The following ZFHX3 variants were observed in gnomAD, a reference collection of about 807,000 sequenced individuals.
The protein encoded by ZFHX3 is zinc finger homeobox 3, also known as zinc finger homeobox protein 3.
Under a neutral mutation model 279.1 loss-of-function variants are expected in ZFHX3, and 42 were observed. The observed-to-expected ratio is 0.15, with a 90% confidence interval of 0.12 to 0.19. ZFHX3 has a LOEUF of 0.19. Ranked by LOEUF, ZFHX3 falls within the 10% of genes least tolerant of loss-of-function variation. The pLI is 1.00. For missense variants in ZFHX3, 4,981 were observed against 4,754.0 expected, an observed-to-expected ratio of 1.05 and a Z score of -1.40; for synonymous variants, 2,293 against 1,957.8, an observed-to-expected ratio of 1.17 and a Z score of -4.52.
At chr16:73,026,192 C>CAA (rs60146795) in intron 1 of ZFHX3, among the ~76,000 whole-genome samples, 7 of 47,488 alleles carry the variant, frequency 1.5e-4, no homozygotes, top group Middle Eastern at 0.017. Context: ...ACAAAAAATA[C>CAA]AAAAAAAAAA....
chr16:72,937,469 T>G (rs1960185103), intron 3 of ZFHX3, among the ~76,000 whole-genome samples: 1 of 152,144 alleles, frequency 6.6e-6, no homozygotes, highest in Admixed American at 6.5e-5. Context: ...GTCCTACTAG[T>G]GGTGAAAAGT....
At chr16:73,563,313 C>A (rs2020402888) in intron 2 of ZFHX3, among the ~76,000 whole-genome samples, 1 of 151,020 alleles carries the variant, frequency 6.6e-6, no homozygotes, top group Admixed American at 6.6e-5. Context: ...TCTCGGCTCA[C>A]TGCAAGCTCT....
intron 2 of ZFHX3, among the ~76,000 whole-genome samples, chr16:73,478,959 G>C (rs192181683): frequency 5.9e-5 from 9 of 152,158 alleles, no homozygotes; most frequent in Non-Finnish European, 1.3e-4. Flanking sequence ...GGCTGAGGCC[G>C]GGGAATTGCT....
intron 5 of ZFHX3, among the ~76,000 whole-genome samples, chr16:73,178,725 C>T (rs140136285): frequency 3.9e-5 from 6 of 152,242 alleles, no homozygotes; most frequent in Admixed American, 1.3e-4. Flanking sequence ...TGTCCTGAAG[C>T]GATCCTCTCA....
chr16:73,258,986 G>C (rs55639728), intron 4 of ZFHX3, among the ~76,000 whole-genome samples: 43,210 of 152,068 alleles, frequency 0.28, 6,673 homozygotes, highest in Middle Eastern at 0.46. Context: ...TGTGCAATCT[G>C]TTTTCTTTAA....
chr16:72,788,017 T>C lies in ZFHX3; in HGVS notation c.10259A>G (p.Lys3420Arg), dbSNP rs117523752. 9,203 of 1,612,410 alleles carry C rather than the reference T, an allele frequency of 5.7e-3. 34 individuals are homozygous for C. Among genetic ancestry groups the C allele is most frequent in the Non-Finnish European group, 7.0e-3 (8,223 of 1,179,678 alleles). ...GGGGGTGTTTTTCTGTTCTTCTGGT[T>C]TGGGGGATTCTTTGGCAGGGTCTTT... Reference protein sequence around the residue: ...PDKDPAKESPKPEEQKNTPRE... With the variant: ...PDKDPAKESPRPEEQKNTPRE... Residue 3420 changes from lysine to arginine, a missense_variant, in exon 10 of 10, where the codon AAA (lysine) becomes AGA (arginine). Around this residue, in one of 7 missense-constraint regions of ZFHX3, gnomAD observed 1,034 missense variants for 786.0 expected, o/e 1.32. Coordinates refer to ENST00000268489, the MANE Select transcript of ZFHX3 (RefSeq NM_006885.4).
chr16:73,833,140 A>G (rs1156874872), intron 1 of ZFHX3, among the ~76,000 whole-genome samples: 1 of 152,178 alleles, frequency 6.6e-6, no homozygotes, highest in East Asian at 1.9e-4. Context: ...AGGCAGAAGG[A>G]TTGCTCGAGG....
At chr16:73,816,634 G>C (rs1335347651) in intron 1 of ZFHX3, among the ~76,000 whole-genome samples, 4 of 152,170 alleles carry the variant, frequency 2.6e-5, no homozygotes, top group Non-Finnish European at 5.9e-5. Context: ...AGAGATGGGG[G>C]GGGAGAGAAA....
At chr16:73,794,320 A>C (rs2142318362) in intron 1 of ZFHX3, 1 of 152,318 alleles carries the variant, frequency 6.6e-6, no homozygotes, top group South Asian at 2.1e-4. Context: ...TCTCCACCAC[A>C]GCTGCTCCCT....
intron 1 of ZFHX3, among the ~76,000 whole-genome samples, chr16:73,019,182 C>T (rs1468003637): frequency 6.6e-6 from 1 of 152,198 alleles, no homozygotes; most frequent in Non-Finnish European, 1.5e-5. Flanking sequence ...GTGGCCAGTT[C>T]GTTTCAGAAA....
intron 2 of ZFHX3, among the ~76,000 whole-genome samples, chr16:73,598,154 T>C (rs756666428): frequency 7.2e-5 from 11 of 152,148 alleles, no homozygotes; most frequent in Non-Finnish European, 1.0e-4. Context: ...GACAGGACAG[T>C]TGGGGAAGGC....
At chr16:73,656,810 C>T (rs1335011666) in intron 2 of ZFHX3, among the ~76,000 whole-genome samples, 2 of 152,152 alleles carry the variant, frequency 1.3e-5, no homozygotes, top group African/African-American at 2.4e-5. Flanking sequence ...TCTGATTACC[C>T]TTTTCTCATT....
At chr16:73,454,242 C>T (rs1248154725) in intron 3 of ZFHX3, among the ~76,000 whole-genome samples, 2 of 152,150 alleles carry the variant, frequency 1.3e-5, no homozygotes, top group Non-Finnish European at 2.9e-5. Context: ...ACAGTATGCA[C>T]CATGTCTTTG....
intron 3 of ZFHX3, among the ~76,000 whole-genome samples, chr16:73,368,650 G>A (rs766079973): frequency 1.3e-5 from 2 of 152,166 alleles, no homozygotes; most frequent in Non-Finnish European, 2.9e-5. Flanking sequence ...ATATTATCCA[G>A]TGCTGTGAAA....
intron 2 of ZFHX3, among the ~76,000 whole-genome samples, chr16:73,586,130 TATA>T (rs1338409651): frequency 1.3e-5 from 2 of 152,116 alleles, no homozygotes; most frequent in African/African-American, 2.4e-5. Context: ...GGCTCAAACC[TATA>T]ATCCCAGCAC....
At chr16:73,789,860 G>C (rs997716623) in intron 1 of ZFHX3, among the ~76,000 whole-genome samples, 2 of 152,106 alleles carry the variant, frequency 1.3e-5, no homozygotes, top group East Asian at 3.9e-4. Flanking sequence ...CCAAGTCCTG[G>C]AAGCAGAGAA....
intron 3 of ZFHX3, among the ~76,000 whole-genome samples, chr16:73,438,143 G>A (rs2018027636): frequency 6.6e-6 from 1 of 152,126 alleles, no homozygotes. Flanking sequence ...AATGTCAAAA[G>A]TGTATTTGCC....
intron 1 of ZFHX3, among the ~76,000 whole-genome samples, chr16:73,036,911 C>G (rs1964927759): frequency 6.6e-6 from 1 of 152,120 alleles, no homozygotes; most frequent in South Asian, 2.1e-4. Flanking sequence ...ACATCTCTCA[C>G]CCTCCAAAAA....
chr16:73,433,798 G>A (rs114701112), intron 3 of ZFHX3, among the ~76,000 whole-genome samples: 1,562 of 152,300 alleles, frequency 0.01, 23 homozygotes, highest in African/African-American at 0.036. Flanking sequence ...CCCACTCTGC[G>A]GCTGCACGGT....
Sources: gnomAD v4.1 joint callset for allele counts (sites outside exome capture counted in the v4.1 genomes callset) on GRCh38, gnomAD v4.1.1 for gene constraint, gnomAD v4.1.1 regional missense constraint, MANE v1.5 for transcripts, NCBI Gene and HGNC (gene_info 2026-07-23, HGNC 2026-07-21) for gene names.